Variants in TNN observed in about 807,000 individuals in gnomAD.
The protein encoded by TNN is tenascin N.
TNN carries 122 observed loss-of-function variants against 134.4 expected under a neutral mutation model. That is an observed-to-expected ratio of 0.91 (90% CI 0.78 to 1.06). The LOEUF is 1.06. TNN is among the 50% of genes least tolerant of loss of function. The pLI is 0.00. For missense variants in TNN, 1,739 were observed against 1,699.4 expected, an observed-to-expected ratio of 1.02 and a Z score of -0.41; for synonymous variants, 710 against 670.3, an observed-to-expected ratio of 1.06 and a Z score of -0.91.
chr1:175,143,139 T>G (rs1285329183), intron 17 of TNN, among the ~76,000 whole-genome samples: 1 of 152,172 alleles, frequency 6.6e-6, no homozygotes, highest in East Asian at 1.9e-4. Context: ...GGTGGGACCT[T>G]AAGAAGTTCC....
rs903432361 is a variant in TNN at position 175,123,591 on chromosome 1, G to A, written c.2842G>A (p.Glu948Lys). The A allele has an allele frequency of 3.2e-5, 51 of 1,613,992 alleles. No homozygotes were observed. The highest frequency in any genetic ancestry group is 4.3e-5 in the Non-Finnish European group (51 of 1,179,966). The part of the protein sequence containing the change: ...TVLTGLRPGM[E>K]YMVHVWAQKG... ...CCTGACGGGCCTGAGACCAGGCATG[G>A]AGTACATGGTGCACGTGTGGGCCCA... Residue 948 changes from glutamate to lysine, a missense_variant, in exon 12 of 19, where the codon GAG becomes AAG. Physicochemically the swap from Glu to Lys is moderately conservative, Grantham distance 56. Coordinates refer to ENST00000239462, the MANE Select transcript of TNN (RefSeq NM_022093.2).
intron 17 of TNN, among the ~76,000 whole-genome samples, chr1:175,138,890 C>T (rs776385242): frequency 6.6e-5 from 10 of 152,160 alleles, no homozygotes; most frequent in Non-Finnish European, 1.5e-4. Flanking sequence ...TACTAGGCTA[C>T]AAACCTGTAT....
At chr1:175,123,811 A>G in intron 12 of TNN, 148 bp downstream of exon 12, 1 of 1,209,140 alleles carries the variant, frequency 8.3e-7, no homozygotes, top group Non-Finnish European at 1.1e-6. Context: ...TCTTTGAGCT[A>G]ATTAAGTTGA....
At chr1:175,123,348 C>A (rs1262397341) in intron 11 of TNN, 52 bp from the exon 12 acceptor site, 2 of 1,588,106 alleles carry the variant, frequency 1.3e-6, no homozygotes, top group Non-Finnish European at 1.7e-6. Context: ...TGGTAAGATG[C>A]GATGTCTTCC....
At chr1:175,125,721 CTTTCT>C (rs1675500501) in intron 12 of TNN, among the ~76,000 whole-genome samples, 1 of 93,986 alleles carries the variant, frequency 1.1e-5, no homozygotes. Context: ...TTCTTTCTTT[CTTTCT>C]TTCTTTCTTT....
intron 1 of TNN, among the ~76,000 whole-genome samples, chr1:175,069,120 A>G (rs1673861959): frequency 6.6e-6 from 1 of 152,140 alleles, no homozygotes; most frequent in African/African-American, 2.4e-5. Context: ...ACATAAAAGT[A>G]ACAAACTGCC....
rs183043154 is a variant in TNN, at chr1:175,111,355, T to C, written c.2120-5584T>C. Among the ~76,000 whole-genome samples, 471 of 149,800 alleles carry C rather than the reference T, an allele frequency of 3.1e-3. 2 individuals are homozygous for C. The highest frequency in any genetic ancestry group is 0.011 in the Middle Eastern group (3 of 280). On this transcript the variant is annotated intron_variant, in intron 9 of 18. Coordinates refer to ENST00000239462, the MANE Select transcript of TNN (RefSeq NM_022093.2). ...AAAAATAATTAGCTGGGCATGATGG[T>C]GCACGCCTGTAATCCCAGCTACTGG...
intron 1 of TNN, among the ~76,000 whole-genome samples, chr1:175,070,780 G>A (rs1017540282): frequency 9.2e-5 from 14 of 152,088 alleles, no homozygotes; most frequent in Admixed American, 2.6e-4. Flanking sequence ...AGGTGAAATC[G>A]GTCCCCTAAG....
Position 175,077,406 on chromosome 1 carries a change from T to C in TNN, c.-13T>C, listed in dbSNP as rs1275892970. 9 of 1,605,424 alleles carry C rather than the reference T, an allele frequency of 5.6e-6. No homozygotes were observed. Among genetic ancestry groups the C allele is most frequent in the Non-Finnish European group, 7.7e-6 (9 of 1,174,676 alleles). ...CAGGCATCCTGGAGGGTCTGCTCCC[T>C]GTCTTTCCAAGGATGAGTCTCCAGG... On this transcript the variant is annotated 5_prime_UTR_variant, in exon 2 of 19. Coordinates refer to ENST00000239462, the MANE Select transcript of TNN (RefSeq NM_022093.2).
chr1:175,080,977 A>C (rs1462878657), intron 4 of TNN, among the ~76,000 whole-genome samples: 1 of 152,226 alleles, frequency 6.6e-6, no homozygotes, highest in Non-Finnish European at 1.5e-5. Flanking sequence ...TGGTACTTGG[A>C]CCCAGAGAGA....
Position 175,123,623 on chromosome 1 carries a change from G to C in TNN, c.2874G>C (p.Gly958=). 6.2e-7 allele frequency: 1 copy of C among 1,614,172 alleles called. No individual in the cohort carries two copies. Among genetic ancestry groups the C allele is most frequent in the East Asian group, 2.2e-5 (1 of 44,876 alleles). ...TGGTGCACGTGTGGGCCCAGAAGGG[G>C]GCCCAGGAGAGCAAGAAGGCTGACA... ...EYMVHVWAQK[G]AQESKKADTK... Residue 958 remains glycine (G), a synonymous_variant, in exon 12 of 19, where the codon GGG becomes GGC. Coordinates refer to ENST00000239462, the MANE Select transcript of TNN (RefSeq NM_022093.2).
At position 175,107,492 on chromosome 1, in the gene TNN, A is replaced by T. The variant is rs12406815; in HGVS notation, c.2119+8897A>T. ...GTTGTTCGTTCCTCCCAGTGGGCTC[A>T]TGGTCTTGCTGGGCTCAGGAGTGAA... On this transcript the variant is annotated intron_variant, in intron 9 of 18. Transcript: ENST00000239462. Among the ~76,000 whole-genome samples the T allele has an allele frequency of 1.4e-5, 2 of 137,944 alleles. 1 individual carries two copies. The highest frequency in any genetic ancestry group is 5.1e-4 in the South Asian group (2 of 3,906). The allele number at this position is 137,944 out of a possible 152,430, so 90.5% of individuals were successfully genotyped here. A position where few individuals can be genotyped will look rare whatever the true frequency, so the allele number is the denominator to read the frequency against.
At position 175,146,603 on chromosome 1, in the gene TNN, G is replaced by A. The variant is rs114173042; in HGVS notation, c.3760-328G>A. ...AAGATAATTTGCCCATTGCCGGCCC[G>A]GTTGACCCCTGTGTTGTCTCTGTGG... is the stretch of plus-strand genomic sequence containing the variant. On this transcript the variant is annotated intron_variant, in intron 18 of 18. Transcript: ENST00000239462. 7.3e-3 allele frequency among the ~76,000 whole-genome samples: 1,108 copies of A among 152,134 alleles called. 10 individuals are homozygous for A. Among genetic ancestry groups the A allele is most frequent in the African/African-American group, 0.019 (802 of 41,508 alleles).
At chr1:175,102,902 G>A (rs1022739035) in intron 9 of TNN, among the ~76,000 whole-genome samples, 3 of 146,088 alleles carry the variant, frequency 2.1e-5, no homozygotes, top group African/African-American at 7.4e-5. Flanking sequence ...ACTGCTGTTG[G>A]CAATTTGGCC....
chr1:175,128,622 A>T lies in TNN; in HGVS notation c.3206A>T (p.Asp1069Val), dbSNP rs1437821841. 1 of 1,613,010 alleles carries T rather than the reference A, an allele frequency of 6.2e-7. No individual in the cohort carries two copies. Among genetic ancestry groups the T allele is most frequent in the South Asian group, 1.1e-5 (1 of 90,926 alleles). Residue 1069 changes from aspartate to valine, a missense_variant, in exon 15 of 19, where the codon GAC becomes GTC. Asp to Val is a radical substitution (Grantham distance 152). Coordinates refer to ENST00000239462, the MANE Select transcript of TNN (RefSeq NM_022093.2). ...GGTGCCCGTTTCCCACACCCTTCGGACTGCAGTCAGGTTCAGCAGAACAGC... is the reference window on the plus strand; with the variant it reads ...GGTGCCCGTTTCCCACACCCTTCGGTCTGCAGTCAGGTTCAGCAGAACAGC... The part of the protein sequence containing the change: ...TVGARFPHPS[D>V]CSQVQQNSNA...
intron 10 of TNN, among the ~76,000 whole-genome samples, chr1:175,117,744 G>A (rs1196568607): frequency 1.3e-5 from 2 of 152,144 alleles, no homozygotes; most frequent in Admixed American, 6.5e-5. Context: ...TTCTCAGATA[G>A]GAAGGGGAAA....
intron 9 of TNN, among the ~76,000 whole-genome samples, chr1:175,112,596 A>ATTT (rs1244528758): frequency 1.2e-3 from 10 of 8,060 alleles, no homozygotes; most frequent in Admixed American, 5.5e-3. Flanking sequence ...CAGCCGGCCG[A>ATTT]TCTTTTTTTT....
intron 9 of TNN, among the ~76,000 whole-genome samples, chr1:175,112,436 A>G (rs1675052259): frequency 1.3e-5 from 2 of 152,042 alleles, no homozygotes; most frequent in Non-Finnish European, 1.5e-5. Flanking sequence ...TTAATCTCAT[A>G]TAAGCATAGC....
intron 9 of TNN, among the ~76,000 whole-genome samples, chr1:175,108,838 T>C (rs1230423101): frequency 2.0e-5 from 3 of 146,728 alleles, no homozygotes; most frequent in African/African-American, 5.1e-5. Flanking sequence ...CTCACGCCTC[T>C]CCCTCCACAC....
Sources: allele counts gnomAD v4.1 joint callset (sites outside exome capture counted in the v4.1 genomes callset), GRCh38; gene constraint gnomAD v4.1.1; transcripts MANE v1.5; gene names NCBI Gene and HGNC (gene_info 2026-07-23, HGNC 2026-07-21).